Variants in SLC20A2 observed in about 807,000 individuals in gnomAD.
The protein encoded by SLC20A2 is sodium-dependent phosphate transporter 2.
A neutral mutation model predicts 61.0 loss-of-function variants in SLC20A2; 30 were observed. The observed-to-expected ratio is 0.49, with a 90% CI of 0.37 to 0.67. SLC20A2 has a LOEUF of 0.67. SLC20A2 is among the 30% of genes least tolerant of loss of function. The pLI is 0.00. For synonymous variants in SLC20A2, 351 were observed against 353.3 expected, an observed-to-expected ratio of 0.99 and a Z score of 0.07; for missense variants, 626 against 866.4, an observed-to-expected ratio of 0.72 and a Z score of 3.48.
At chr8:42,540,293 A>C (rs1813011991) in intron 1 of SLC20A2, among the ~76,000 whole-genome samples, 1 of 152,234 alleles carries the variant, frequency 6.6e-6, no homozygotes, top group East Asian at 1.9e-4. Flanking sequence ...CCGTCTCAAA[A>C]AAAACAAAAC....
chr8:42,460,257 G>A (rs1353054755), intron 4 of SLC20A2: 2 of 304,054 alleles, frequency 6.6e-6, no homozygotes, highest in African/African-American at 2.1e-5. Flanking sequence ...AATCACATGA[G>A]CTGATGTCAG....
At chr8:42,436,879 G>A in intron 8 of SLC20A2, 110 bp downstream of exon 8, 1 of 984,888 alleles carries the variant, frequency 1.0e-6, no homozygotes, top group Non-Finnish European at 1.5e-6. Context: ...CCTATCCCTG[G>A]CAGGGACTTC....
At chr8:42,445,333 T>C (rs1805129095) in intron 5 of SLC20A2, among the ~76,000 whole-genome samples, 1 of 151,816 alleles carries the variant, frequency 6.6e-6, no homozygotes, top group Non-Finnish European at 1.5e-5. Flanking sequence ...AAATAAAATT[T>C]TAACAACTGG....
At chr8:42,499,982 T>C (rs374784867) in intron 1 of SLC20A2, among the ~76,000 whole-genome samples, 46 of 152,352 alleles carry the variant, frequency 3.0e-4, no homozygotes, top group African/African-American at 1.0e-3. Flanking sequence ...CTTTATGTCA[T>C]TTGCATTTAA....
intron 4 of SLC20A2, among the ~76,000 whole-genome samples, chr8:42,462,118 C>T (rs1806755848): frequency 6.6e-6 from 1 of 151,974 alleles, no homozygotes; most frequent in African/African-American, 2.4e-5. Context: ...GGAAGTGACA[C>T]CTAAGGGCGG....
Position 42,483,083 on chromosome 8 carries a change from C to T in SLC20A2, c.-264-10429G>A, listed in dbSNP as rs11990867. 3.1e-3 allele frequency among the ~76,000 whole-genome samples: 454 copies of T among 144,864 alleles called. 2 individuals are homozygous for T. The highest frequency in any genetic ancestry group is 0.01 in the African/African-American group (408 of 38,864). On this transcript the variant is annotated intron_variant, in intron 1 of 10. Coordinates refer to ENST00000520262, the MANE Select transcript of SLC20A2 (RefSeq NM_001257180.2). ...CAACTGGGCTGGGCACAGTGGCTCA[C>T]GCCTGTAATCCCAGCACTTTGGGAG...
chr8:42,494,413 T>G (rs748443563), intron 1 of SLC20A2, among the ~76,000 whole-genome samples: 8 of 151,846 alleles, frequency 5.3e-5, no homozygotes, highest in Non-Finnish European at 7.4e-5. Flanking sequence ...AATCTATGCT[T>G]ATTGAAGAAA....
intron 1 of SLC20A2, chr8:42,484,732 T>C: frequency 2.7e-6 from 1 of 365,758 alleles, no homozygotes; most frequent in Non-Finnish European, 5.3e-6. Context: ...GCAGCCACCA[T>C]GATCCAAGAG....
At chr8:42,453,707 T>A (rs1226201568) in intron 5 of SLC20A2, among the ~76,000 whole-genome samples, 8 of 152,230 alleles carry the variant, frequency 5.3e-5, no homozygotes, top group Non-Finnish European at 1.2e-4. Context: ...AAGTCCTTTT[T>A]TGACTCATCG....
chr8:42,417,600 C>T lies in SLC20A2; in HGVS notation c.*203G>A, dbSNP rs1350399984. 6.1e-6 allele frequency: 3 copies of T among 491,786 alleles called. No individual in the cohort carries two copies. Among genetic ancestry groups the T allele is most frequent in the African/African-American group, 3.9e-5 (2 of 51,926 alleles). 30.5% of individuals were successfully genotyped at this position (491,786 alleles called of 1,614,324 possible). On this transcript the variant is annotated 3_prime_UTR_variant, in exon 11 of 11. Transcript: ENST00000520262. ...CCAGTTTAATACATATTATTATGTACAGTAGTTAAGTTAGCTCGGGAAGGT... is the reference window on the plus strand; with the variant it reads ...CCAGTTTAATACATATTATTATGTATAGTAGTTAAGTTAGCTCGGGAAGGT...
At chr8:42,496,924 G>C (rs908394478) in intron 1 of SLC20A2, among the ~76,000 whole-genome samples, 2 of 152,164 alleles carry the variant, frequency 1.3e-5, no homozygotes, top group African/African-American at 4.8e-5. Flanking sequence ...TGGGCTACAC[G>C]CTACCTCTGC....
intron 8 of SLC20A2, among the ~76,000 whole-genome samples, 172 bp downstream of exon 8, chr8:42,436,817 C>T (rs1276145943): frequency 6.6e-6 from 1 of 152,232 alleles, no homozygotes; most frequent in East Asian, 1.9e-4. Context: ...TAACACTGCT[C>T]GCTGTCCCGC....
rs574401382 is a variant in SLC20A2, at chr8:42,523,917, C to T, written c.-265+17904G>A. ...ATATGTCCTTGGAATTTCTTCCTCA[C>T]GTACAAAGCTTAAGAGTTAATTAAG... On this transcript the variant is annotated intron_variant, in intron 1 of 10. Coordinates refer to the SLC20A2 transcript ENST00000342228. 5.3e-5 allele frequency among the ~76,000 whole-genome samples: 8 copies of T among 152,270 alleles called. No homozygotes were observed. The South Asian group carries it at 6.2e-4, about 12-fold the overall frequency.
chr8:42,461,323 ACCTATG>A (rs1167072292), intron 4 of SLC20A2, among the ~76,000 whole-genome samples: 1 of 152,120 alleles, frequency 6.6e-6, no homozygotes, highest in Non-Finnish European at 1.5e-5. Context: ...AATGACTATG[ACCTATG>A]CCGTTTCCAT....
At chr8:42,532,525 A>G (rs556913329) in intron 1 of SLC20A2, among the ~76,000 whole-genome samples, 52 of 152,370 alleles carry the variant, frequency 3.4e-4, no homozygotes, top group African/African-American at 1.2e-3. Flanking sequence ...AACAGAAAAC[A>G]GAGGAAGCTC....
chr8:42,538,109 A>T (rs1812822426), intron 1 of SLC20A2: 1 of 152,066 alleles, frequency 6.6e-6, no homozygotes, highest in Admixed American at 6.6e-5. Context: ...TCACATGTGT[A>T]CACTAGGTTT....
chr8:42,514,018 T>C (rs1811178102), intron 1 of SLC20A2, among the ~76,000 whole-genome samples: 2 of 152,204 alleles, frequency 1.3e-5, no homozygotes, highest in Non-Finnish European at 1.5e-5. Flanking sequence ...AAAAATACAT[T>C]GGTGCTAGAT....
upstream of SLC20A2, among the ~76,000 whole-genome samples, chr8:42,501,659 T>G (rs1267608628): frequency 6.6e-6 from 1 of 152,238 alleles, no homozygotes; most frequent in Non-Finnish European, 1.5e-5. Context: ...TTTTTCTTTC[T>G]CTATAATGAA....
chr8:42,489,938 C>T (rs961388561), intron 1 of SLC20A2, among the ~76,000 whole-genome samples: 1 of 152,150 alleles, frequency 6.6e-6, no homozygotes, highest in Admixed American at 6.5e-5. Context: ...AAAATCTGTG[C>T]ATGTGTACAA....
Sources: gnomAD v4.1 joint callset for allele counts (sites outside exome capture counted in the v4.1 genomes callset) on GRCh38, gnomAD v4.1.1 for gene constraint, MANE v1.5 for transcripts, NCBI Gene and HGNC (gene_info 2026-07-23, HGNC 2026-07-21) for gene names.